Variants in BAIAP2 observed in about 807,000 individuals in gnomAD.
BAIAP2 encodes BAR/IMD domain containing adaptor protein 2.
Under a neutral mutation model 63.0 loss-of-function variants are expected in BAIAP2, and 18 were observed. That is an observed-to-expected ratio of 0.29 (90% confidence interval 0.20 to 0.42). BAIAP2 has a LOEUF of 0.42. Ranked by LOEUF, BAIAP2 falls within the 10% of genes least tolerant of loss-of-function variation. The pLI is 1.00. For synonymous variants in BAIAP2, 386 were observed against 307.6 expected (o/e 1.25, Z -2.67); for missense variants, 610 against 734.3 (o/e 0.83, Z 1.96).
At position 81,057,969 on chromosome 17, in the gene BAIAP2, T is replaced by TGCGGGGGGGGGGGGGGGGGGGGGGGGGGG; in HGVS notation, c.217+3_217+4insCGGGGGGGGGGGGGGGGGGGGGGGGGGGG. ...AGAGCCAGGGCTCCAAAGAACTCGGTGAGACCCCCCCCCCCCCCCCGCCTG... is the reference window on the plus strand; with the variant it reads ...AGAGCCAGGGCTCCAAAGAACTCGGTGCGGGGGGGGGGGGGGGGGGGGGGGGGGGGAGACCCCCCCCCCCCCCCCGCCTG... On this transcript the variant is annotated splice_region_variant and intron_variant, in intron 3 of 13. Coordinates refer to ENST00000428708, the MANE Select transcript of BAIAP2 (RefSeq NM_001144888.2). 1 of 964,858 alleles carries TGCGGGGGGGGGGGGGGGGGGGGGGGGGGG rather than the reference T, an allele frequency of 1.0e-6. No individual in the cohort carries two copies. Among genetic ancestry groups the TGCGGGGGGGGGGGGGGGGGGGGGGGGGGG allele is most frequent in the Non-Finnish European group, 1.4e-6 (1 of 713,582 alleles). 59.8% of individuals were successfully genotyped at this position (964,858 alleles called of 1,614,324 possible).
chr17:81,058,563 GGGT>G (rs1303623055), intron 3 of BAIAP2, among the ~76,000 whole-genome samples: 8 of 152,346 alleles, frequency 5.3e-5, no homozygotes, highest in African/African-American at 1.9e-4. Context: ...TCACCTAGCA[GGGT>G]GGTGCTGAGG....
In BAIAP2 at chr17:81,079,816, A is replaced by C. The variant is rs879675444; in HGVS notation, c.218-5016A>C. Among the ~76,000 whole-genome samples, 22 of 152,306 alleles carry C rather than the reference A, an allele frequency of 1.4e-4. No individual in the cohort carries two copies. The East Asian group carries it at 1.7e-3, about 12-fold the overall frequency. On this transcript the variant is annotated intron_variant, in intron 3 of 13. Coordinates refer to ENST00000428708, the MANE Select transcript of BAIAP2 (RefSeq NM_001144888.2). ...TAAGGTCCCACCTGTGCTGTGGACC[A>C]GACGTGGGCCTCCCAGTGAGTGGGG...
intron 7 of BAIAP2, among the ~76,000 whole-genome samples, chr17:81,101,603 C>A (rs907451812): frequency 1.3e-5 from 2 of 151,930 alleles, no homozygotes; most frequent in Admixed American, 6.5e-5. Flanking sequence ...GTTCCCCCCA[C>A]CCACCACACT....
chr17:81,091,132 C>G (rs1334688124), intron 6 of BAIAP2, among the ~76,000 whole-genome samples: 1 of 150,544 alleles, frequency 6.6e-6, no homozygotes, highest in Non-Finnish European at 1.5e-5. Flanking sequence ...TGTGGCCCCA[C>G]CCCTTGGTGC....
At chr17:81,088,190 G>A (rs906913339) in intron 6 of BAIAP2, among the ~76,000 whole-genome samples, 1 of 152,112 alleles carries the variant, frequency 6.6e-6, no homozygotes, top group African/African-American at 2.4e-5. Flanking sequence ...CAGTGCAGGT[G>A]TGAGCCAGCC....
At position 81,035,171 on chromosome 17, in the gene BAIAP2, T is replaced by A; in HGVS notation, c.-84T>A. 3 of 1,199,542 alleles carry A rather than the reference T, an allele frequency of 2.5e-6. No individual in the cohort carries two copies. Among genetic ancestry groups the A allele is most frequent in the South Asian group, 1.6e-5 (1 of 61,468 alleles). The allele number at this position is 1,199,542 out of a possible 1,614,324, so 74.3% of individuals were successfully genotyped here. A position where few individuals can be genotyped will look rare whatever the true frequency, so the allele number is the denominator to read the frequency against. On this transcript the variant is annotated 5_prime_UTR_variant, in exon 1 of 14. Transcript: ENST00000428708. ...GCTCTGTGGTTCGGGTCCGCTTTCG[T>A]CTCCGTCCTGCTGCCGTTACCGCCG... is the stretch of plus-strand genomic sequence containing the variant.
chr17:81,075,050 C>A (rs949915206), intron 3 of BAIAP2, among the ~76,000 whole-genome samples: 6 of 152,242 alleles, frequency 3.9e-5, no homozygotes, highest in African/African-American at 2.4e-5. Flanking sequence ...TTCACCTTCC[C>A]ACTGTGTTGA....
intron 6 of BAIAP2, among the ~76,000 whole-genome samples, chr17:81,099,355 C>T (rs111240868): frequency 0.081 from 12,382 of 152,230 alleles, 928 homozygotes; most frequent in African/African-American, 0.21. Flanking sequence ...GCCCGGAGTC[C>T]CCTCTGCAGC....
intron 1 of BAIAP2, 34 bp from the exon 2 acceptor site, chr17:81,053,634 C>T (rs1293029656): frequency 1.9e-6 from 3 of 1,612,100 alleles, no homozygotes; most frequent in South Asian, 1.1e-5. Flanking sequence ...GTGACCTCTG[C>T]CAGTAATGCT....
intron 7 of BAIAP2, among the ~76,000 whole-genome samples, chr17:81,101,753 T>C (rs1431320357): frequency 6.6e-6 from 1 of 152,232 alleles, no homozygotes; most frequent in East Asian, 1.9e-4. Context: ...GGCCTGGGCC[T>C]GCTGGGCACT....
intron 13 of BAIAP2, among the ~76,000 whole-genome samples, chr17:81,111,896 G>A (rs746757044): frequency 6.6e-6 from 1 of 152,378 alleles, no homozygotes; most frequent in African/African-American, 2.4e-5. Flanking sequence ...CACAAAGGAC[G>A]TTGGTCCCTG....
chr17:81,109,833 A>G, intron 13 of BAIAP2: 1 of 985,410 alleles, frequency 1.0e-6, no homozygotes, highest in Non-Finnish European at 1.2e-6. Flanking sequence ...TCCTTTGACC[A>G]GCCTTGTGAG....
At chr17:81,090,919 G>T (rs2056621348) in intron 6 of BAIAP2, among the ~76,000 whole-genome samples, 1 of 152,212 alleles carries the variant, frequency 6.6e-6, no homozygotes, top group Non-Finnish European at 1.5e-5. Flanking sequence ...TTAGGGTGTG[G>T]CCGCTGGGGG....
At chr17:81,105,944 ACT>A in intron 10 of BAIAP2, 132 bp from the exon 11 acceptor site, 2 of 720,348 alleles carry the variant, frequency 2.8e-6, no homozygotes, top group Non-Finnish European at 2.3e-6. Context: ...TCCCTGGAGC[ACT>A]GTCTCTGTTG....
At chr17:81,063,103 G>T (rs1311732948) in intron 3 of BAIAP2, among the ~76,000 whole-genome samples, 1 of 152,106 alleles carries the variant, frequency 6.6e-6, no homozygotes, top group African/African-American at 2.4e-5. Context: ...AGGACTGCAG[G>T]GGTTAAGAGG....
At chr17:81,051,266 A>G (rs533854694) in intron 1 of BAIAP2, among the ~76,000 whole-genome samples, 2 of 152,108 alleles carry the variant, frequency 1.3e-5, no homozygotes, top group Non-Finnish European at 2.9e-5. Context: ...AGGCCTGCGT[A>G]GCACATGCCT....
intron 13 of BAIAP2, among the ~76,000 whole-genome samples, chr17:81,115,470 G>A (rs901960190): frequency 1.3e-5 from 2 of 150,558 alleles, no homozygotes; most frequent in Admixed American, 6.6e-5. Flanking sequence ...TGGCTGGCCT[G>A]CCCCGCCCCA....
At chr17:81,115,494 T>TGCCCTGCCCA (rs1555686477) in intron 13 of BAIAP2, among the ~76,000 whole-genome samples, 2 of 151,922 alleles carry the variant, frequency 1.3e-5, no homozygotes, top group African/African-American at 2.4e-5. Context: ...CGCCCTGCCC[T>TGCCCTGCCCA]GCCCAGCCCA....
chr17:81,090,329 G>T (rs369096483), intron 6 of BAIAP2, among the ~76,000 whole-genome samples: 72 of 152,308 alleles, frequency 4.7e-4, no homozygotes, highest in African/African-American at 1.7e-3. Flanking sequence ...TTCTCACGGT[G>T]CCTGCGTGGG....
Sources: allele counts gnomAD v4.1 joint callset (sites outside exome capture counted in the v4.1 genomes callset), GRCh38; gene constraint gnomAD v4.1.1; transcripts MANE v1.5; gene names NCBI Gene and HGNC (gene_info 2026-07-23, HGNC 2026-07-21).